EXOC4: variants seen among roughly 807,000 people sequenced by gnomAD.
EXOC4 encodes the protein SEC8-like 1.
EXOC4 carries 71 observed loss-of-function variants against 107.2 expected under a neutral mutation model. That is an observed-to-expected ratio of 0.66 (90% confidence interval 0.55 to 0.81). The LOEUF is 0.81. Among genes scored for constraint, EXOC4 ranks in the 30% least tolerant of loss-of-function variants. EXOC4 has a pLI of 0.00. For missense variants in EXOC4, 1,108 were observed against 1,189.6 expected (o/e 0.93, Z 1.01); for synonymous variants, 456 against 441.2 (o/e 1.03, Z -0.42).
At chr7:133,286,864 A>G (rs1026376489) in intron 2 of EXOC4, among the ~76,000 whole-genome samples, 2 of 152,096 alleles carry the variant, frequency 1.3e-5, no homozygotes, top group African/African-American at 4.8e-5. Flanking sequence ...CATGCCTGGC[A>G]TTTCCTTGTC....
At chr7:133,609,881 A>C (rs954996736) in intron 9 of EXOC4, among the ~76,000 whole-genome samples, 2 of 152,228 alleles carry the variant, frequency 1.3e-5, no homozygotes, top group African/African-American at 4.8e-5. Flanking sequence ...ACAGGACTCT[A>C]GCCTCTCTCA....
At chr7:133,395,305 G>A (rs956264252) in intron 7 of EXOC4, among the ~76,000 whole-genome samples, 8 of 152,074 alleles carry the variant, frequency 5.3e-5, no homozygotes, top group African/African-American at 1.9e-4. Flanking sequence ...CAATATGTGT[G>A]AAGAGCTGTT....
chr7:133,454,860 A>G (rs1262239206), intron 7 of EXOC4, among the ~76,000 whole-genome samples: 1 of 152,134 alleles, frequency 6.6e-6, no homozygotes, highest in African/African-American at 2.4e-5. Context: ...GCACTTTGGG[A>G]TGCCGAGGCA....
At chr7:133,606,328 T>C (rs1400476285) in intron 9 of EXOC4, among the ~76,000 whole-genome samples, 2 of 152,052 alleles carry the variant, frequency 1.3e-5, no homozygotes, top group African/African-American at 2.4e-5. Context: ...AATATTGCTC[T>C]GTACATCTCT....
intron 7 of EXOC4, among the ~76,000 whole-genome samples, chr7:133,471,257 C>T (rs902317398): frequency 6.6e-6 from 1 of 151,846 alleles, no homozygotes; most frequent in Non-Finnish European, 1.5e-5. Context: ...ACTACAAATA[C>T]AAAAATTAGC....
chr7:133,267,758 T>A (rs1725324242), intron 1 of EXOC4, among the ~76,000 whole-genome samples: 1 of 152,226 alleles, frequency 6.6e-6, no homozygotes. Flanking sequence ...CTATTTGTTC[T>A]TTTCTACAGA....
chr7:133,591,660 ATCTTTG>A (rs1298291437), intron 9 of EXOC4, among the ~76,000 whole-genome samples: 1 of 152,048 alleles, frequency 6.6e-6, no homozygotes, highest in African/African-American at 2.4e-5. Flanking sequence ...TAAAGAATAC[ATCTTTG>A]GATCTAAGTG....
chr7:133,577,166 AT>A (rs1363685505), intron 9 of EXOC4, among the ~76,000 whole-genome samples: 2 of 152,186 alleles, frequency 1.3e-5, no homozygotes, highest in East Asian at 3.9e-4. Flanking sequence ...AATATTGTAG[AT>A]TAGAAAAGTA....
intron 9 of EXOC4, among the ~76,000 whole-genome samples, chr7:133,570,391 G>A (rs1421646118): frequency 1.3e-5 from 2 of 152,182 alleles, no homozygotes; most frequent in Non-Finnish European, 2.9e-5. Flanking sequence ...TGGTGGCAGA[G>A]ATTAACAGGC....
chr7:133,448,218 A>G (rs1381992629), intron 7 of EXOC4, among the ~76,000 whole-genome samples: 1 of 152,198 alleles, frequency 6.6e-6, no homozygotes, highest in Non-Finnish European at 1.5e-5. Flanking sequence ...TTAGATAACT[A>G]ATACTGGAGC....
intron 10 of EXOC4, among the ~76,000 whole-genome samples, chr7:133,763,644 G>T (rs1356700484): frequency 6.6e-6 from 1 of 151,090 alleles, no homozygotes; most frequent in African/African-American, 2.4e-5. Context: ...ATATAGGATT[G>T]CTTGCATTTT....
chr7:133,913,212 C>T (rs1799734653), intron 12 of EXOC4, among the ~76,000 whole-genome samples: 1 of 152,142 alleles, frequency 6.6e-6, no homozygotes, highest in South Asian at 2.1e-4. Context: ...CGTGAACAGA[C>T]ACAAAGGAGA....
At chr7:133,323,032 G>A (rs1337161319) in intron 5 of EXOC4, among the ~76,000 whole-genome samples, 1 of 152,156 alleles carries the variant, frequency 6.6e-6, no homozygotes, top group Non-Finnish European at 1.5e-5. Context: ...TGGTGTATAG[G>A]AATGCTTGTG....
chr7:133,293,320 A>G (rs1794447817), intron 3 of EXOC4, among the ~76,000 whole-genome samples: 2 of 152,198 alleles, frequency 1.3e-5, no homozygotes, highest in Admixed American at 1.3e-4. Context: ...TTCACATGAA[A>G]AACAATCACA....
chr7:133,486,766 CT>C (rs893851956), intron 9 of EXOC4, among the ~76,000 whole-genome samples: 2 of 151,534 alleles, frequency 1.3e-5, no homozygotes, highest in Non-Finnish European at 2.9e-5. Context: ...TATATTCTTG[CT>C]TTTTTTTAAA....
chr7:133,370,806 G>A (rs1041320538), intron 6 of EXOC4, among the ~76,000 whole-genome samples: 1 of 152,150 alleles, frequency 6.6e-6, no homozygotes, highest in Non-Finnish European at 1.5e-5. Context: ...ACCTTTCCCT[G>A]TCTTTAGAAT....
intron 14 of EXOC4, among the ~76,000 whole-genome samples, chr7:133,991,754 T>G (rs1184509193): frequency 9.2e-5 from 14 of 152,150 alleles, no homozygotes; most frequent in Non-Finnish European, 1.5e-5. Context: ...CAAAATGAAT[T>G]GGCTGTTAAG....
At chr7:133,875,499 C>A (rs986489781) in intron 11 of EXOC4, among the ~76,000 whole-genome samples, 5 of 152,062 alleles carry the variant, frequency 3.3e-5, no homozygotes, top group African/African-American at 1.2e-4. Context: ...GAAGAGATCT[C>A]GCTGGCCTAA....
At chr7:133,259,934 A>G (rs1795105358) in intron 1 of EXOC4, among the ~76,000 whole-genome samples, 2 of 152,116 alleles carry the variant, frequency 1.3e-5, no homozygotes, top group Non-Finnish European at 2.9e-5. Context: ...CTGTGTAACC[A>G]CTGTCCAGCT....
Sources: allele counts gnomAD v4.1 joint callset (sites outside exome capture counted in the v4.1 genomes callset), GRCh38; gene constraint gnomAD v4.1.1; transcripts MANE v1.5; gene names NCBI Gene and HGNC (gene_info 2026-07-23, HGNC 2026-07-21).